The following SNX29 variants were observed in gnomAD, a reference collection of about 807,000 sequenced individuals.
SNX29 encodes the protein sorting nexin 29.
A neutral mutation model predicts 102.1 loss-of-function variants in SNX29; 78 were observed. That is an observed-to-expected ratio of 0.76 (90% CI 0.64 to 0.92). The LOEUF is 0.92. Ranked by LOEUF, SNX29 falls within the 40% of genes least tolerant of loss-of-function variation. SNX29 has a pLI of 0.00. For synonymous variants in SNX29, 580 were observed against 414.5 expected, an observed-to-expected ratio of 1.40 and a Z score of -4.85; for missense variants, 1,280 against 1,061.7, an observed-to-expected ratio of 1.21 and a Z score of -2.86.
intron 16 of SNX29, chr16:12,374,473 G>A (rs2082800380): frequency 6.6e-6 from 1 of 152,278 alleles, no homozygotes; most frequent in Non-Finnish European, 1.5e-5. Context: ...GGAGTACGAG[G>A]CGTGTAGCCC....
intron 16 of SNX29, among the ~76,000 whole-genome samples, chr16:12,388,758 A>C (rs1417805755): frequency 7.2e-5 from 11 of 152,234 alleles, no homozygotes; most frequent in Non-Finnish European, 1.6e-4. Context: ...ATGGAGAGGT[A>C]CTGGGTTTAG....
At chr16:12,524,059 T>A (rs891846684) in intron 19 of SNX29, among the ~76,000 whole-genome samples, 40 of 152,238 alleles carry the variant, frequency 2.6e-4, no homozygotes, top group African/African-American at 9.4e-4. Flanking sequence ...ATTTTGTATT[T>A]TTAGTAGAGA....
intron 14 of SNX29, among the ~76,000 whole-genome samples, chr16:12,260,768 C>T (rs371458913): frequency 0.02 from 855 of 42,446 alleles, no homozygotes; most frequent in African/African-American, 0.026. Context: ...TGAGTGTTCG[C>T]TGAGCTCCAG....
intron 18 of SNX29, among the ~76,000 whole-genome samples, chr16:12,447,277 C>G (rs960942330): frequency 2.0e-5 from 3 of 151,454 alleles, no homozygotes; most frequent in Non-Finnish European, 2.9e-5. Flanking sequence ...TTGAAGAAGT[C>G]CCATCGGCTT....
chr16:12,118,148 C>T (rs1003190160), intron 11 of SNX29, among the ~76,000 whole-genome samples: 2 of 152,018 alleles, frequency 1.3e-5, no homozygotes, highest in Non-Finnish European at 2.9e-5. Flanking sequence ...GCTCCCCACC[C>T]GCTTCTCACT....
chr16:12,013,499 AAATATATATATATATAT>A (rs1305274598), intron 3 of SNX29, among the ~76,000 whole-genome samples: 1 of 69,002 alleles, frequency 1.4e-5, no homozygotes, highest in Non-Finnish European at 2.7e-5. Flanking sequence ...AAAAAAAAAA[AAATATATATATATATAT>A]ATATATATAT....
At position 12,194,622 on chromosome 16, in the gene SNX29, GTTTTTT is replaced by G. The variant is rs34250906; in HGVS notation, c.1596-4964_1596-4959del. Among the ~76,000 whole-genome samples the G allele has an allele frequency of 2.3e-5, 3 of 129,144 alleles. No individual in the cohort carries two copies. The East Asian group carries it at 6.7e-4, about 29-fold the overall frequency. The allele number at this position is 129,144 out of a possible 152,430, so 84.7% of individuals were successfully genotyped here. On this transcript the variant is annotated intron_variant, in intron 13 of 20. Transcript: ENST00000566228. ...TTACTATAGGATTTGGGGGTGGGTAGTTTTTTTTTTTTTTTTTTTTAAGAAGGAATC... is the reference window on the plus strand; with the variant it reads ...TTACTATAGGATTTGGGGGTGGGTAGTTTTTTTTTTTTTTAAGAAGGAATC...
intron 20 of SNX29, among the ~76,000 whole-genome samples, chr16:12,563,388 A>G (rs8062280): frequency 0.96 from 145,678 of 152,298 alleles, 69,824 homozygotes; most frequent in Middle Eastern, 0.99. Flanking sequence ...TTTTACCCGT[A>G]ACCATGAAAA....
intron 18 of SNX29, among the ~76,000 whole-genome samples, chr16:12,445,709 C>T (rs1187579035): frequency 6.6e-6 from 1 of 152,224 alleles, no homozygotes; most frequent in Non-Finnish European, 1.5e-5. Flanking sequence ...GCTTCCTCTC[C>T]AACCTCACAA....
chr16:12,312,700 C>T (rs943561332), intron 15 of SNX29, among the ~76,000 whole-genome samples: 1 of 151,496 alleles, frequency 6.6e-6, no homozygotes, highest in Middle Eastern at 3.4e-3. Flanking sequence ...GGGGGAAGAG[C>T]TTCCAAGTGG....
chr16:12,002,924 G>T, intron 2 of SNX29, 67 bp from the exon 3 acceptor site: 1 of 1,591,526 alleles, frequency 6.3e-7, no homozygotes, highest in South Asian at 1.1e-5. Flanking sequence ...CCCTGTGTAG[G>T]CTGTTTTATG....
At chr16:11,989,992 A>G (rs1017637106) in intron 1 of SNX29, among the ~76,000 whole-genome samples, 1 of 152,190 alleles carries the variant, frequency 6.6e-6, no homozygotes, top group African/African-American at 2.4e-5. Flanking sequence ...GTTGAAGTGT[A>G]CAAGGTTTGG....
chr16:12,058,792 C>A (rs1008743737), intron 8 of SNX29, among the ~76,000 whole-genome samples: 2 of 137,012 alleles, frequency 1.5e-5, no homozygotes, highest in Non-Finnish European at 3.1e-5. Flanking sequence ...CAGCACCCGG[C>A]CTGGGTTTTT....
At chr16:12,390,929 A>G (rs375165978) in intron 16 of SNX29, among the ~76,000 whole-genome samples, 1 of 152,094 alleles carries the variant, frequency 6.6e-6, no homozygotes, top group Non-Finnish European at 1.5e-5. Flanking sequence ...GAATGAGGAA[A>G]TAAATCGCAA....
intron 13 of SNX29, among the ~76,000 whole-genome samples, chr16:12,163,652 C>T (rs1392200339): frequency 2.0e-5 from 3 of 152,150 alleles, no homozygotes; most frequent in Admixed American, 2.0e-4. Context: ...TCTATAGAAG[C>T]TTCTTGCCCC....
intron 19 of SNX29, among the ~76,000 whole-genome samples, chr16:12,499,832 T>C (rs895634849): frequency 5.9e-5 from 9 of 152,010 alleles, no homozygotes; most frequent in African/African-American, 1.9e-4. Context: ...CGCACAACCA[T>C]GCCTGGCTAA....
At chr16:12,045,822 A>G (rs2050065434) in intron 5 of SNX29, among the ~76,000 whole-genome samples, 1 of 151,850 alleles carries the variant, frequency 6.6e-6, no homozygotes, top group South Asian at 2.1e-4. Flanking sequence ...ATGGGGTTTC[A>G]CTGTGTTGGC....
intron 16 of SNX29, among the ~76,000 whole-genome samples, chr16:12,366,271 C>T (rs1384728080): frequency 1.3e-5 from 2 of 152,116 alleles, no homozygotes; most frequent in African/African-American, 4.8e-5. Context: ...GGTACAGCAG[C>T]ATTTCCCAAA....
chr16:12,059,881 C>A (rs1235218939), intron 8 of SNX29, among the ~76,000 whole-genome samples: 1 of 152,134 alleles, frequency 6.6e-6, no homozygotes, highest in Non-Finnish European at 1.5e-5. Context: ...GGCTCCAGTC[C>A]CACAGCCTTG....
Sources: allele counts gnomAD v4.1 joint callset (sites outside exome capture counted in the v4.1 genomes callset), GRCh38; gene constraint gnomAD v4.1.1; transcripts MANE v1.5; gene names NCBI Gene and HGNC (gene_info 2026-07-23, HGNC 2026-07-21).